MBNL1: variants seen among roughly 807,000 people sequenced by gnomAD.
MBNL1 encodes the protein muscleblind-like protein 1.
MBNL1 carries 8 observed loss-of-function variants against 42.2 expected under a neutral mutation model. The ratio of observed to expected loss-of-function variants is 0.19; its 90% CI spans 0.11 to 0.34. The LOEUF is 0.34. Among genes scored for constraint, MBNL1 ranks in the 10% least tolerant of loss-of-function variants. The pLI, the probability that MBNL1 is intolerant of heterozygous loss-of-function variation, is 1.00. For synonymous variants in MBNL1, 169 were observed against 173.9 expected (o/e 0.97, Z 0.22); for missense variants, 309 against 495.3 (o/e 0.62, Z 3.57).
intron 2 of MBNL1, among the ~76,000 whole-genome samples, chr3:152,253,774 T>TATA (rs2035028236): frequency 6.6e-6 from 1 of 152,130 alleles, no homozygotes; most frequent in African/African-American, 2.4e-5. Context: ...TTCTTCTTTA[T>TATA]TTGGGTCTCT....
At chr3:152,363,186 A>T (rs1326882895) in intron 2 of MBNL1, among the ~76,000 whole-genome samples, 2 of 152,118 alleles carry the variant, frequency 1.3e-5, no homozygotes, top group Non-Finnish European at 2.9e-5. Context: ...TTATAATTTT[A>T]TTTTTATATG....
At chr3:152,390,613 G>GCACACACACACACACACACA (rs3220073) in intron 2 of MBNL1, among the ~76,000 whole-genome samples, 16 of 147,152 alleles carry the variant, frequency 1.1e-4, no homozygotes, top group South Asian at 2.2e-4. Flanking sequence ...GTATTGTTAT[G>GCACACACACACACACACACA]CACACACACA....
chr3:152,442,312 C>A (rs1157120995), intron 4 of MBNL1, among the ~76,000 whole-genome samples: 1 of 152,116 alleles, frequency 6.6e-6, no homozygotes, highest in African/African-American at 2.4e-5. Context: ...CAAAAGTATT[C>A]ACTCTGGAAA....
intron 2 of MBNL1, among the ~76,000 whole-genome samples, chr3:152,384,815 C>G (rs2097340535): frequency 6.6e-6 from 1 of 152,056 alleles, no homozygotes; most frequent in African/African-American, 2.4e-5. Flanking sequence ...TTTTATAAAC[C>G]TATGCTGTCC....
chr3:152,446,349 CACGAGAGAGATCTT>C (rs2099224971), intron 5 of MBNL1, among the ~76,000 whole-genome samples: 1 of 151,954 alleles, frequency 6.6e-6, no homozygotes, highest in Non-Finnish European at 1.5e-5. Flanking sequence ...GTGAAATAAT[CACGAGAGAGATCTT>C]TTCTGTGTTT....
chr3:152,375,498 C>A (rs1407012368), intron 2 of MBNL1, among the ~76,000 whole-genome samples: 1 of 151,838 alleles, frequency 6.6e-6, no homozygotes, highest in East Asian at 1.9e-4. Context: ...GCCTGTAATC[C>A]CAGCACTTTG....
chr3:152,338,352 T>G (rs918013725), intron 2 of MBNL1: 2 of 985,208 alleles, frequency 2.0e-6, no homozygotes, highest in Non-Finnish European at 2.4e-6. Flanking sequence ...TGACAGAACC[T>G]TGGGTTCTGT....
At chr3:152,338,218 T>C (rs1240660613) in intron 2 of MBNL1, 5 of 985,324 alleles carry the variant, frequency 5.1e-6, no homozygotes, top group Non-Finnish European at 4.8e-6. Flanking sequence ...CCATTGCTTC[T>C]TGTGTTCTGG....
intron 2 of MBNL1, among the ~76,000 whole-genome samples, chr3:152,257,742 A>C (rs1433280262): frequency 6.6e-6 from 1 of 152,190 alleles, no homozygotes; most frequent in Non-Finnish European, 1.5e-5. Context: ...GTGTTCCTTA[A>C]ATAAGCAAGA....
intron 8 of MBNL1, 130 bp downstream of exon 8, chr3:152,456,491 T>G: frequency 1.4e-6 from 1 of 720,674 alleles, no homozygotes; most frequent in Non-Finnish European, 2.5e-6. Flanking sequence ...TAGAGGGTGC[T>G]TTAATAAGCA....
At chr3:152,439,355 G>A (rs762231147) in intron 4 of MBNL1, among the ~76,000 whole-genome samples, 34 of 152,186 alleles carry the variant, frequency 2.2e-4, no homozygotes, top group Non-Finnish European at 4.4e-4. Flanking sequence ...GATTTAACAT[G>A]ATGGGATAAA....
intron 2 of MBNL1, among the ~76,000 whole-genome samples, chr3:152,310,740 C>T (rs1197755954): frequency 6.6e-6 from 1 of 151,890 alleles, no homozygotes; most frequent in East Asian, 1.9e-4. Context: ...AATACAGAGT[C>T]TGAACCTAAA....
At chr3:152,459,411 A>C (rs1330818836) in intron 9 of MBNL1, 66 bp downstream of exon 9, 2 of 853,194 alleles carry the variant, frequency 2.3e-6, no homozygotes, top group East Asian at 6.1e-5. Context: ...GCAATTGTAT[A>C]GTGCACTTAA....
intron 6 of MBNL1, among the ~76,000 whole-genome samples, chr3:152,451,131 G>A (rs989951697): frequency 2.0e-5 from 3 of 152,096 alleles, no homozygotes; most frequent in Non-Finnish European, 4.4e-5. Context: ...GAATTTTAGT[G>A]GTCTGTAGTC....
chr3:152,272,039 TTCTCTC>T (rs139763690), intron 1 of MBNL1, among the ~76,000 whole-genome samples: 3,121 of 147,734 alleles, frequency 0.021, 69 homozygotes, highest in African/African-American at 0.061. Context: ...CCTGTTTCTT[TTCTCTC>T]TCTCTCTCTC....
At chr3:152,287,814 A>C (rs1186841362) in intron 1 of MBNL1, among the ~76,000 whole-genome samples, 1 of 152,232 alleles carries the variant, frequency 6.6e-6, no homozygotes, top group Non-Finnish European at 1.5e-5. Flanking sequence ...TAGAGCTTTA[A>C]TCGCTGTCTC....
At chr3:152,440,844 T>C (rs1043351324) in intron 4 of MBNL1, among the ~76,000 whole-genome samples, 3 of 152,222 alleles carry the variant, frequency 2.0e-5, no homozygotes, top group Non-Finnish European at 4.4e-5. Flanking sequence ...TTGATCAAAG[T>C]GATTATCTAG....
intron 2 of MBNL1, among the ~76,000 whole-genome samples, chr3:152,309,064 C>T (rs1042335353): frequency 3.3e-5 from 5 of 152,020 alleles, no homozygotes; most frequent in East Asian, 1.9e-4. Context: ...GGAAGTTTCT[C>T]GACAGCAATT....
At chr3:152,288,200 A>G (rs2053710375) in intron 1 of MBNL1, among the ~76,000 whole-genome samples, 1 of 152,216 alleles carries the variant, frequency 6.6e-6, no homozygotes, top group African/African-American at 2.4e-5. Flanking sequence ...TTTAATAACT[A>G]AGAAAGAGAG....
Sources: gnomAD v4.1 joint callset for allele counts (sites outside exome capture counted in the v4.1 genomes callset) on GRCh38, gnomAD v4.1.1 for gene constraint, MANE v1.5 for transcripts, NCBI Gene and HGNC (gene_info 2026-07-23, HGNC 2026-07-21) for gene names.